Variants in SLC9C1 observed in about 807,000 individuals in gnomAD.
SLC9C1 encodes solute carrier family 9 member C1.
SLC9C1 carries 97 observed loss-of-function variants against 140.9 expected under a neutral mutation model. The observed-to-expected ratio is 0.69, with a 90% CI of 0.58 to 0.82. The LOEUF (loss-of-function observed/expected upper bound fraction) is 0.82. SLC9C1 is among the 40% of genes least tolerant of loss of function. The pLI is 0.00. For synonymous variants in SLC9C1, 440 were observed against 442.6 expected (o/e 0.99, Z 0.07); for missense variants, 1,340 against 1,389.3 (o/e 0.96, Z 0.56).
intron 15 of SLC9C1, among the ~76,000 whole-genome samples, chr3:112,209,794 C>T (rs562277157): frequency 5.3e-5 from 8 of 152,174 alleles, no homozygotes; most frequent in Admixed American, 2.0e-4. Context: ...CTAAAACTTG[C>T]GTGCTCAAAA....
Position 112,220,668 on chromosome 3 carries a change from CCTATAT to C in SLC9C1, c.1670+454_1670+459del, listed in dbSNP as rs551370161. Among the ~76,000 whole-genome samples, 174 of 152,246 alleles carry C rather than the reference CCTATAT, an allele frequency of 1.1e-3. 1 individual carries two copies. The highest frequency in any genetic ancestry group is 4.0e-3 in the African/African-American group (168 of 41,542). ...AGGAAACCACTGCTTATTTTGGAGA[CCTATAT>C]CTAAAGAAATCACTACAAGATTACA... On this transcript the variant is annotated intron_variant, in intron 14 of 28. Transcript: ENST00000305815.
intron 28 of SLC9C1, among the ~76,000 whole-genome samples, chr3:112,144,494 G>A (rs1051205424): frequency 2.0e-5 from 3 of 151,994 alleles, no homozygotes; most frequent in Non-Finnish European, 4.4e-5. Context: ...AATTATATTG[G>A]TAATTCAATA....
intron 16 of SLC9C1, among the ~76,000 whole-genome samples, chr3:112,206,195 A>C (rs979468805): frequency 4.0e-5 from 6 of 149,188 alleles, no homozygotes; most frequent in Non-Finnish European, 5.9e-5. Flanking sequence ...AAAGGACATG[A>C]ACAGACACTT....
In SLC9C1 at chr3:112,151,936, T is replaced by C. The variant is rs781126084; in HGVS notation, c.3445A>G (p.Arg1149Gly). 1.9e-6 allele frequency: 3 copies of C among 1,604,456 alleles called. No homozygotes were observed. In the South Asian group the frequency reaches 3.4e-5, roughly 18 times the overall value. Residue 1149 changes from arginine to glycine, a missense_variant, in exon 28 of 29, where the codon AGG becomes GGG. Arg to Gly is a moderately radical substitution (Grantham distance 125). Coordinates refer to ENST00000305815, the MANE Select transcript of SLC9C1 (RefSeq NM_183061.3). ...EDGAHSAATA[R>G]SPQPCSLLGT... ...AGCAGGGAGCAAGGCTGGGGACTCC[T>C]GGCAGTGGCGGCACTGTGTGCTCCA...
chr3:112,148,632 G>A (rs1332698884), intron 28 of SLC9C1, among the ~76,000 whole-genome samples: 1 of 152,172 alleles, frequency 6.6e-6, no homozygotes, highest in Non-Finnish European at 1.5e-5. Context: ...CTTACAGTAA[G>A]AGCTGGCTGT....
intron 10 of SLC9C1, among the ~76,000 whole-genome samples, chr3:112,256,005 A>G (rs1324683945): frequency 6.6e-6 from 1 of 151,626 alleles, no homozygotes; most frequent in African/African-American, 2.4e-5. Context: ...TCCTAGACAC[A>G]TACATCTTTC....
At chr3:112,217,862 G>A (rs1360634050) in intron 14 of SLC9C1, among the ~76,000 whole-genome samples, 1 of 152,086 alleles carries the variant, frequency 6.6e-6, no homozygotes, top group African/African-American at 2.4e-5. Context: ...CAGACATCTG[G>A]GTTTTCATGT....
chr3:112,235,940 T>G (rs2078972540), intron 12 of SLC9C1, among the ~76,000 whole-genome samples: 1 of 152,204 alleles, frequency 6.6e-6, no homozygotes, highest in Non-Finnish European at 1.5e-5. Context: ...TGTTTTTTGT[T>G]GTGTCTCTGC....
At chr3:112,167,140 A>G (rs2077155692) in intron 26 of SLC9C1, 81 bp downstream of exon 26, 1 of 1,516,070 alleles carries the variant, frequency 6.6e-7, no homozygotes, top group Non-Finnish European at 9.0e-7. Context: ...CAGAATGCAA[A>G]CAACAGTTTC....
chr3:112,209,973 C>G (rs375749901), intron 15 of SLC9C1, among the ~76,000 whole-genome samples: 70 of 152,170 alleles, frequency 4.6e-4, no homozygotes, highest in African/African-American at 1.6e-3. Context: ...TTTGCAGAAA[C>G]AGGCAAGATA....
intron 20 of SLC9C1, among the ~76,000 whole-genome samples, chr3:112,186,828 G>A (rs1207548929): frequency 1.3e-5 from 2 of 152,142 alleles, no homozygotes; most frequent in Admixed American, 6.5e-5. Context: ...AGTGACAAAG[G>A]CTCCAGCACA....
At chr3:112,264,380 T>A in intron 8 of SLC9C1, 37 bp from the exon 9 acceptor site, 1 of 1,205,832 alleles carries the variant, frequency 8.3e-7, no homozygotes, top group Non-Finnish European at 1.1e-6. Flanking sequence ...TATTTATAAT[T>A]AATTAATTTG....
chr3:112,153,664 T>C (rs1032378744), intron 27 of SLC9C1, among the ~76,000 whole-genome samples: 6 of 152,236 alleles, frequency 3.9e-5, no homozygotes, highest in African/African-American at 1.4e-4. Context: ...TTTTCATTTC[T>C]TTGATCTCTA....
At chr3:112,146,543 T>G (rs994507782) in intron 28 of SLC9C1, among the ~76,000 whole-genome samples, 1 of 152,210 alleles carries the variant, frequency 6.6e-6, no homozygotes, top group Non-Finnish European at 1.5e-5. Flanking sequence ...TGTTTTTGAT[T>G]TTTGCCTTGA....
At chr3:112,155,071 AGTGT>A in intron 26 of SLC9C1, 22 bp from the exon 27 acceptor site, 1 of 1,441,280 alleles carries the variant, frequency 6.9e-7, no homozygotes. Flanking sequence ...AAAAAAAAAC[AGTGT>A]TAATTCAACC....
intron 26 of SLC9C1, among the ~76,000 whole-genome samples, chr3:112,159,959 G>C (rs967220173): frequency 2.6e-5 from 4 of 151,622 alleles, no homozygotes; most frequent in South Asian, 2.1e-4. Flanking sequence ...TATTTTTATA[G>C]GCAAAGAGTT....
intron 11 of SLC9C1, among the ~76,000 whole-genome samples, chr3:112,241,098 A>G (rs2079128020): frequency 6.6e-6 from 1 of 152,200 alleles, no homozygotes; most frequent in African/African-American, 2.4e-5. Context: ...ATACCTTTAC[A>G]TTTTAAGAAT....
intron 10 of SLC9C1, 120 bp downstream of exon 10, chr3:112,262,804 G>T: frequency 2.3e-6 from 2 of 872,708 alleles, no homozygotes; most frequent in Non-Finnish European, 1.6e-6. Context: ...TGCCATCATA[G>T]CTAAATCACT....
chr3:112,200,397 T>C (rs1230443341), intron 19 of SLC9C1, among the ~76,000 whole-genome samples: 1 of 152,108 alleles, frequency 6.6e-6, no homozygotes, highest in Non-Finnish European at 1.5e-5. Flanking sequence ...GGAAGGTACA[T>C]GTATTTCTGG....
Sources: allele counts gnomAD v4.1 joint callset (sites outside exome capture counted in the v4.1 genomes callset), GRCh38; gene constraint gnomAD v4.1.1; transcripts MANE v1.5; gene names NCBI Gene and HGNC (gene_info 2026-07-23, HGNC 2026-07-21).